The following TAFA1 variants were observed in gnomAD, a reference collection of about 807,000 sequenced individuals.
TAFA1 encodes the protein TAFA chemokine like family member 1, also known as chemokine-like protein TAFA-1.
In TAFA1, 4 loss-of-function variants were observed where a neutral mutation model predicts 18.5. The observed-to-expected ratio is 0.22, with a 90% CI of 0.11 to 0.49. TAFA1 has a LOEUF of 0.49. Among genes scored for constraint, TAFA1 ranks in the 20% least tolerant of loss-of-function variants. The probability of loss-of-function intolerance (pLI) is 0.98; values close to 1 mark genes in which losing one functional copy is unlikely to be tolerated. For missense variants in TAFA1, 147 were observed against 169.0 expected (o/e 0.87, Z 0.72); for synonymous variants, 56 against 55.2 (o/e 1.01, Z -0.06).
chr3:68,262,157 A>T (rs1309480402), intron 2 of TAFA1, among the ~76,000 whole-genome samples: 1 of 150,916 alleles, frequency 6.6e-6, no homozygotes, highest in African/African-American at 2.4e-5. Context: ...CAATTTAGGG[A>T]CTGTTTCCAT....
At chr3:68,106,337 C>G (rs1559522237) in intron 2 of TAFA1, among the ~76,000 whole-genome samples, 2 of 152,108 alleles carry the variant, frequency 1.3e-5, no homozygotes, top group Non-Finnish European at 2.9e-5. Flanking sequence ...AGCGGCTGTT[C>G]TGTCCAATGC....
chr3:68,106,982 G>C (rs934110853), intron 2 of TAFA1, among the ~76,000 whole-genome samples: 2 of 152,136 alleles, frequency 1.3e-5, no homozygotes, highest in Admixed American at 6.6e-5. Context: ...TTGTTGGTAG[G>C]AATGCAAACT....
At chr3:68,415,270 C>T (rs1329659304) in intron 2 of TAFA1, among the ~76,000 whole-genome samples, 1 of 152,164 alleles carries the variant, frequency 6.6e-6, no homozygotes, top group African/African-American at 2.4e-5. Flanking sequence ...GTCCTTTGTT[C>T]CAAAAATTCC....
chr3:68,533,829 G>A (rs1028478439), intron 3 of TAFA1, among the ~76,000 whole-genome samples: 1 of 152,102 alleles, frequency 6.6e-6, no homozygotes, highest in Admixed American at 6.6e-5. Context: ...GTGTGACTCA[G>A]TTCGCAAGCT....
At chr3:68,446,842 A>C (rs1270291422) in intron 3 of TAFA1, among the ~76,000 whole-genome samples, 2 of 152,194 alleles carry the variant, frequency 1.3e-5, no homozygotes, top group Non-Finnish European at 2.9e-5. Flanking sequence ...ATCTGAATAC[A>C]ATCACTACTT....
chr3:68,299,221 A>G (rs2068263854), intron 2 of TAFA1, among the ~76,000 whole-genome samples: 1 of 152,232 alleles, frequency 6.6e-6, no homozygotes, highest in African/African-American at 2.4e-5. Flanking sequence ...TGACCTCTTC[A>G]TACAGAGCAT....
At chr3:68,325,492 C>G (rs1374258008) in intron 2 of TAFA1, among the ~76,000 whole-genome samples, 1 of 152,068 alleles carries the variant, frequency 6.6e-6, no homozygotes, top group African/African-American at 2.4e-5. Context: ...GAGATAAATG[C>G]TCAGTGCATG....
chr3:68,375,037 T>G (rs1018960768), intron 2 of TAFA1, among the ~76,000 whole-genome samples: 1 of 152,128 alleles, frequency 6.6e-6, no homozygotes, highest in Non-Finnish European at 1.5e-5. Flanking sequence ...TGTTTGGGGA[T>G]GAATTTATCT....
intron 3 of TAFA1, among the ~76,000 whole-genome samples, chr3:68,479,024 A>G (rs953501869): frequency 1.3e-5 from 2 of 150,518 alleles, no homozygotes; most frequent in African/African-American, 4.9e-5. Context: ...CGAGGTCAAG[A>G]GATCGAGACC....
rs552588438 is a variant in TAFA1, at chr3:68,091,592, G to A, written c.118+84848G>A. On this transcript the variant is annotated intron_variant, in intron 2 of 4. Coordinates refer to ENST00000478136, the MANE Select transcript of TAFA1 (RefSeq NM_213609.4). ...AGCTTATTTTCTAATATAAGGAACA[G>A]ATCAAAATCAAGCAAGCAGATCAAT... is the stretch of plus-strand genomic sequence containing the variant. Among the ~76,000 whole-genome samples, 12 of 152,136 alleles carry A rather than the reference G, an allele frequency of 7.9e-5. No homozygotes were observed. The South Asian group carries it at 1.9e-3, about 24-fold the overall frequency.
chr3:68,481,812 C>T (rs769584766), intron 3 of TAFA1, among the ~76,000 whole-genome samples: 6 of 152,066 alleles, frequency 3.9e-5, no homozygotes, highest in Admixed American at 1.3e-4. Flanking sequence ...TTTCTTAATA[C>T]GAATTCCTTC....
At chr3:67,994,116 G>A in the TAFA1 span, among the ~76,000 whole-genome samples, 1 of 152,178 alleles carries the variant, frequency 6.6e-6, no homozygotes, top group Non-Finnish European at 1.5e-5. Context: ...GGGTGTGTCT[G>A]TTGAGAGAGG....
intron 2 of TAFA1, among the ~76,000 whole-genome samples, chr3:68,375,707 G>T (rs2069797430): frequency 6.6e-6 from 1 of 152,040 alleles, no homozygotes; most frequent in Non-Finnish European, 1.5e-5. Context: ...AATACTTTTT[G>T]AATGTTCTCT....
intron 3 of TAFA1, among the ~76,000 whole-genome samples, chr3:68,467,088 G>A (rs1179618198): frequency 6.6e-6 from 1 of 152,124 alleles, no homozygotes; most frequent in African/African-American, 2.4e-5. Flanking sequence ...ATATGGCTCT[G>A]TCCTGCCCGG....
chr3:68,190,218 C>T (rs1025451700), intron 2 of TAFA1, among the ~76,000 whole-genome samples: 1 of 151,820 alleles, frequency 6.6e-6, no homozygotes, highest in African/African-American at 2.4e-5. Context: ...CTACATTACC[C>T]TGTAGTGAAA....
At chr3:68,108,707 G>T (rs976876530) in intron 2 of TAFA1, among the ~76,000 whole-genome samples, 1 of 151,838 alleles carries the variant, frequency 6.6e-6, no homozygotes, top group Non-Finnish European at 1.5e-5. Flanking sequence ...TTAGATGAAG[G>T]TATAAAAATA....
At chr3:68,311,611 A>G (rs12632518) in intron 2 of TAFA1, among the ~76,000 whole-genome samples, 16,503 of 152,316 alleles carry the variant, frequency 0.11, 1,272 homozygotes, top group East Asian at 0.35. Context: ...CTTTGACTCC[A>G]TGTCTCACAT....
chr3:68,246,278 T>A (rs137925634), intron 2 of TAFA1, among the ~76,000 whole-genome samples: 2 of 152,134 alleles, frequency 1.3e-5, no homozygotes, highest in African/African-American at 4.8e-5. Flanking sequence ...AGTCCTTTGG[T>A]CTCAATATTT....
chr3:68,462,096 A>C (rs2071794230), intron 3 of TAFA1, among the ~76,000 whole-genome samples: 1 of 152,152 alleles, frequency 6.6e-6, no homozygotes, highest in Non-Finnish European at 1.5e-5. Context: ...AAAGACAAAA[A>C]GCTTAGAAGA....
Sources: gnomAD v4.1 joint callset for allele counts (sites outside exome capture counted in the v4.1 genomes callset) on GRCh38, gnomAD v4.1.1 for gene constraint, MANE v1.5 for transcripts, NCBI Gene and HGNC (gene_info 2026-07-23, HGNC 2026-07-21) for gene names.